The following SGK3 variants were observed in gnomAD, a reference collection of about 807,000 sequenced individuals.
The protein encoded by SGK3 is serine/threonine-protein kinase Sgk3.
Under a neutral mutation model 68.5 loss-of-function variants are expected in SGK3, and 47 were observed. The ratio of observed to expected loss-of-function variants is 0.69; its 90% CI spans 0.54 to 0.87. The LOEUF (loss-of-function observed/expected upper bound fraction) is 0.87. SGK3 is among the 40% of genes least tolerant of loss of function. SGK3 has a pLI of 0.00. For missense variants in SGK3, 479 were observed against 575.5 expected, an observed-to-expected ratio of 0.83 and a Z score of 1.72; for synonymous variants, 181 against 189.1, an observed-to-expected ratio of 0.96 and a Z score of 0.35.
chr8:66,787,584 T>A (rs1241693449), intron 1 of SGK3, among the ~76,000 whole-genome samples: 1 of 152,134 alleles, frequency 6.6e-6, no homozygotes, highest in Non-Finnish European at 1.5e-5. Context: ...TTGTTGAGTC[T>A]CTATATAGCC....
rs777258587 is a variant in SGK3, at chr8:66,843,573, C to G, written c.1074+26C>G. On this transcript the variant is annotated intron_variant, in intron 14 of 16. Coordinates refer to ENST00000521198, the MANE Select transcript of SGK3 (RefSeq NM_001033578.3). ...GTATGTATTTCTATACCTCATTATT[C>G]CAATGTATTATCATTGATTTGATTG... 7.5e-6 allele frequency: 12 copies of G among 1,592,538 alleles called. No individual in the cohort carries two copies. In the Admixed American group the frequency reaches 1.9e-4, roughly 25 times the overall value.
At chr8:66,733,309 A>C (rs948015963) in intron 1 of SGK3, among the ~76,000 whole-genome samples, 3 of 152,196 alleles carry the variant, frequency 2.0e-5, no homozygotes, top group Non-Finnish European at 2.9e-5. Context: ...ATTTCTGAGA[A>C]TGAAGTGTTG....
intron 10 of SGK3, chr8:66,839,770 G>A (rs1809722297): frequency 2.3e-6 from 1 of 437,128 alleles, no homozygotes; most frequent in Admixed American, 4.1e-5. Flanking sequence ...TGGGAGATGA[G>A]TGACATTAGC....
rs763342872 is a variant in SGK3, at chr8:66,859,499, T to C, written c.1409T>C (p.Ile470Thr). The C allele has an allele frequency of 1.4e-5, 22 of 1,613,772 alleles. No homozygotes were observed. Among genetic ancestry groups the C allele is most frequent in the East Asian group, 2.2e-5 (1 of 44,864 alleles). ...GTGTGTGTATCTTCTGACTATTCTA[T>C]AGTGAATGCCAGTGTATTGGAGGCA... is the stretch of plus-strand genomic sequence containing the variant. ...YSVCVSSDYSIVNASVLEADD... is the reference protein window; with the variant it reads ...YSVCVSSDYSTVNASVLEADD... Residue 470 changes from isoleucine to threonine, a missense_variant, in exon 17 of 17, where the codon ATA becomes ACA. Ile to Thr is a moderately conservative substitution (Grantham distance 89, BLOSUM62 -1). Transcript: ENST00000521198.
chr8:66,719,369 C>T (rs1400552438), intron 1 of SGK3, among the ~76,000 whole-genome samples: 1 of 151,952 alleles, frequency 6.6e-6, no homozygotes, highest in Non-Finnish European at 1.5e-5. Context: ...GTCTATCTCC[C>T]AGGCTGGAAT....
intron 2 of SGK3, among the ~76,000 whole-genome samples, chr8:66,795,281 A>G (rs888907550): frequency 6.6e-5 from 10 of 152,186 alleles, no homozygotes; most frequent in Non-Finnish European, 1.5e-4. Flanking sequence ...CACCTGCCAC[A>G]CTTGGTACCA....
intron 6 of SGK3, among the ~76,000 whole-genome samples, chr8:66,822,714 G>A (rs959146945): frequency 6.6e-6 from 1 of 152,172 alleles, no homozygotes; most frequent in Non-Finnish European, 1.5e-5. Context: ...CACCTCCCAG[G>A]TTCAAGCGAT....
At position 66,720,781 on chromosome 8, in the gene SGK3, T is replaced by TATATATA. The variant is rs1554590873; in HGVS notation, c.-122+7948_-122+7949insATATATA. On this transcript the variant is annotated intron_variant, in intron 1 of 16. Coordinates refer to ENST00000521198, the MANE Select transcript of SGK3 (RefSeq NM_001033578.3). ...GCAAAACTCTGTCTCAAAAAAAAAA[T>TATATATA]TATATATATATATAATTAGCCAGGT... Among the ~76,000 whole-genome samples, 476 of 146,318 alleles carry TATATATA rather than the reference T, an allele frequency of 3.3e-3. 4 individuals are homozygous for TATATATA. Among genetic ancestry groups the TATATATA allele is most frequent in the African/African-American group, 0.012 (455 of 37,726 alleles).
intron 1 of SGK3, among the ~76,000 whole-genome samples, chr8:66,773,355 G>T (rs1001611697): frequency 6.6e-6 from 1 of 152,132 alleles, no homozygotes; most frequent in East Asian, 1.9e-4. Flanking sequence ...AGGACTGAGA[G>T]GGAAGAGTCA....
chr8:66,759,065 CTT>C (rs1157826552), intron 1 of SGK3, among the ~76,000 whole-genome samples: 6 of 146,332 alleles, frequency 4.1e-5, no homozygotes, highest in African/African-American at 1.6e-4. Flanking sequence ...CTTCTTTTTT[CTT>C]TTTTCTTTTC....
At chr8:66,833,686 G>A (rs1266723869) in intron 8 of SGK3, among the ~76,000 whole-genome samples, 1 of 152,074 alleles carries the variant, frequency 6.6e-6, no homozygotes, top group East Asian at 1.9e-4. Flanking sequence ...CTATTTTGTG[G>A]TATTCTGTTT....
intron 16 of SGK3, among the ~76,000 whole-genome samples, chr8:66,858,232 G>A (rs1002647893): frequency 6.6e-6 from 1 of 152,136 alleles, no homozygotes; most frequent in Admixed American, 6.5e-5. Flanking sequence ...TTGGGAGGCT[G>A]AGGCAGGTGG....
chr8:66,715,122 G>T (rs1403461021), intron 1 of SGK3, among the ~76,000 whole-genome samples: 2 of 152,148 alleles, frequency 1.3e-5, no homozygotes, highest in African/African-American at 2.4e-5. Flanking sequence ...TATTTCTTAA[G>T]ATTTGCCACC....
chr8:66,852,542 G>A (rs577425603), intron 16 of SGK3, among the ~76,000 whole-genome samples: 18 of 152,258 alleles, frequency 1.2e-4, no homozygotes, highest in East Asian at 1.9e-4. Context: ...GCCTCCCAGA[G>A]TGCTGGGATT....
chr8:66,750,623 A>G (rs1477364025), intron 1 of SGK3, among the ~76,000 whole-genome samples: 17 of 151,790 alleles, frequency 1.1e-4, no homozygotes, highest in Non-Finnish European at 1.5e-5. Context: ...TGGGAGGCAG[A>G]GGTTGCAGTG....
At position 66,859,445 on chromosome 8, in the gene SGK3, C is replaced by T; in HGVS notation, c.1355C>T (p.Ala452Val). 1 of 1,610,218 alleles carries T rather than the reference C, an allele frequency of 6.2e-7. No individual in the cohort carries two copies. The highest frequency in any genetic ancestry group is 1.1e-5 in the South Asian group (1 of 90,494). Reference sequence around the variant, plus strand: ...GATGATATCAGAAACTTTGACACAGCATTTACAGAAGAAACAGTTCCATAT... The same window carrying T: ...GATGATATCAGAAACTTTGACACAGTATTTACAGAAGAAACAGTTCCATAT... ...GPDDIRNFDT[A>V]FTEETVPYSV... The change falls in exon 17 of 17, where the codon GCA becomes GTA. Residue 452 changes from alanine (A) to valine (V), a missense_variant. By Grantham distance (64) the Ala-to-Val change is moderately conservative (BLOSUM62 0). Transcript: ENST00000521198.
intron 1 of SGK3, among the ~76,000 whole-genome samples, chr8:66,765,853 G>C (rs969979368): frequency 6.6e-6 from 1 of 151,902 alleles, no homozygotes; most frequent in African/African-American, 2.4e-5. Flanking sequence ...GTGAAACTCT[G>C]TCTCTACTAA....
rs574461868 is a variant in SGK3, at chr8:66,794,948, C to G, written c.96+1116C>G. 2.6e-5 allele frequency among the ~76,000 whole-genome samples: 4 copies of G among 152,306 alleles called. No individual in the cohort carries two copies. The East Asian group carries it at 7.7e-4, about 29-fold the overall frequency. ...CCTGTGATCTCTTTGTTGGCTTGAC[C>G]AGGGTCTTGCGGCAACTCACCACTG... On this transcript the variant is annotated intron_variant, in intron 2 of 16. Transcript: ENST00000521198.
chr8:66,857,155 G>A (rs1392298478), intron 16 of SGK3, among the ~76,000 whole-genome samples: 2 of 152,292 alleles, frequency 1.3e-5, no homozygotes, highest in East Asian at 3.9e-4. Flanking sequence ...TTCAAGGATT[G>A]TATATAAGAA....
Sources: gnomAD v4.1 joint callset for allele counts (sites outside exome capture counted in the v4.1 genomes callset) on GRCh38, gnomAD v4.1.1 for gene constraint, MANE v1.5 for transcripts, NCBI Gene and HGNC (gene_info 2026-07-23, HGNC 2026-07-21) for gene names.